The following PHTF2 variants were observed in gnomAD, a reference collection of about 807,000 sequenced individuals.
The protein encoded by PHTF2 is protein PHTF2.
A neutral mutation model predicts 101.2 loss-of-function variants in PHTF2; 60 were observed. That is an observed-to-expected ratio of 0.59 (90% CI 0.48 to 0.73). PHTF2 has a LOEUF of 0.73. PHTF2 is among the 30% of genes least tolerant of loss of function. The pLI is 0.00. For missense variants in PHTF2, 747 were observed against 908.7 expected, an observed-to-expected ratio of 0.82 and a Z score of 2.29; for synonymous variants, 311 against 307.3, an observed-to-expected ratio of 1.01 and a Z score of -0.13.
At chr7:77,923,653 C>T in intron 11 of PHTF2, 9 of 985,150 alleles carry the variant, frequency 9.1e-6, no homozygotes, top group Non-Finnish European at 1.1e-5. Flanking sequence ...GCCTCTTCAC[C>T]CATGTCATTT....
intron 3 of PHTF2, among the ~76,000 whole-genome samples, chr7:77,876,379 T>C (rs1798945619): frequency 6.6e-6 from 1 of 152,366 alleles, no homozygotes; most frequent in South Asian, 2.1e-4. Flanking sequence ...CAGTGTTATT[T>C]AACTGAGTAA....
chr7:77,955,407 T>A (rs1806931681), exon 20 of PHTF2: 1 of 152,638 alleles, frequency 6.6e-6, no homozygotes, highest in South Asian at 2.1e-4. Flanking sequence ...CCCTTCAGTA[T>A]TAATATATAC....
chr7:77,943,827 G>A (rs1479367100), intron 16 of PHTF2, among the ~76,000 whole-genome samples: 3 of 151,874 alleles, frequency 2.0e-5, no homozygotes, highest in Non-Finnish European at 2.9e-5. Context: ...AGACCAGCCC[G>A]ACCAACATGG....
chr7:77,899,762 A>G (rs1801213399), intron 5 of PHTF2, among the ~76,000 whole-genome samples: 1 of 152,204 alleles, frequency 6.6e-6, no homozygotes, highest in Non-Finnish European at 1.5e-5. Flanking sequence ...TTAGGACCAA[A>G]GACAGGATTT....
At chr7:77,810,684 C>T (rs1157745149) in intron 1 of PHTF2, among the ~76,000 whole-genome samples, 10 of 151,946 alleles carry the variant, frequency 6.6e-5, no homozygotes, top group East Asian at 3.9e-4. Flanking sequence ...ACTACAGGCA[C>T]GTACCACTGC....
intron 12 of PHTF2, among the ~76,000 whole-genome samples, chr7:77,930,369 C>G (rs905898194): frequency 1.3e-5 from 2 of 151,896 alleles, no homozygotes; most frequent in African/African-American, 4.8e-5. Flanking sequence ...CAAATTTAAC[C>G]AGTCCTCCCT....
chr7:77,919,389 A>T (rs900214103), intron 9 of PHTF2, among the ~76,000 whole-genome samples: 47 of 152,342 alleles, frequency 3.1e-4, no homozygotes, highest in African/African-American at 1.1e-3. Flanking sequence ...TACCTCTAAC[A>T]AAAATTCAAG....
chr7:77,905,498 C>A (rs1801772173), intron 7 of PHTF2, among the ~76,000 whole-genome samples: 1 of 150,868 alleles, frequency 6.6e-6, no homozygotes, highest in South Asian at 2.1e-4. Context: ...TCTTAAAGTG[C>A]TGGGATTACA....
At chr7:77,852,655 TTGTC>T (rs372626591) in intron 2 of PHTF2, among the ~76,000 whole-genome samples, 1 of 152,220 alleles carries the variant, frequency 6.6e-6, no homozygotes, top group East Asian at 1.9e-4. Flanking sequence ...TATTCTGTGT[TTGTC>T]TGTGTACTTA....
At chr7:77,875,756 A>ACC in intron 3 of PHTF2, among the ~76,000 whole-genome samples, 1 of 152,104 alleles carries the variant, frequency 6.6e-6, no homozygotes, top group East Asian at 1.9e-4. Flanking sequence ...ACGGGGTTTC[A>ACC]GTGCGTTAGC....
intron 3 of PHTF2, among the ~76,000 whole-genome samples, chr7:77,891,503 A>G (rs12536543): frequency 2.8e-5 from 4 of 143,688 alleles, no homozygotes; most frequent in Non-Finnish European, 4.5e-5. Context: ...TTAGTTACAT[A>G]TAAGTATGTT....
chr7:77,897,177 C>T (rs1243682650), intron 5 of PHTF2, among the ~76,000 whole-genome samples: 1 of 151,410 alleles, frequency 6.6e-6, no homozygotes, highest in African/African-American at 2.4e-5. Context: ...GGGAACTAAA[C>T]AAGATTTCTA....
At chr7:77,914,871 T>C (rs775471074) in intron 9 of PHTF2, among the ~76,000 whole-genome samples, 3 of 152,222 alleles carry the variant, frequency 2.0e-5, no homozygotes, top group Non-Finnish European at 4.4e-5. Context: ...AGCTGTCTTC[T>C]AAATATAAGC....
At chr7:77,901,704 A>G in intron 6 of PHTF2, 58 bp from the exon 6 acceptor site, 3 of 983,282 alleles carry the variant, frequency 3.1e-6, no homozygotes, top group African/African-American at 1.7e-5. Flanking sequence ...TTTTTTCTTT[A>G]AAGAAATTAA....
chr7:77,955,456 A>G (rs973191091), exon 20 of PHTF2: 1 of 152,618 alleles, frequency 6.6e-6, no homozygotes, highest in African/African-American at 2.4e-5. Context: ...CTTTGATGAT[A>G]AAACTTGTAA....
chr7:77,870,326 T>C (rs1447018100), intron 3 of PHTF2, among the ~76,000 whole-genome samples: 1 of 152,032 alleles, frequency 6.6e-6, no homozygotes, highest in African/African-American at 2.4e-5. Context: ...TATATGAGTT[T>C]ATTAAGTATT....
At position 77,868,947 on chromosome 7, in the gene PHTF2, C is replaced by T. The variant is rs150216023; in HGVS notation, c.147+14113C>T. Among the ~76,000 whole-genome samples the T allele has an allele frequency of 2.6e-5, 4 of 152,128 alleles. No individual in the cohort carries two copies. In the East Asian group the frequency reaches 5.8e-4, roughly 22 times the overall value. On this transcript the variant is annotated intron_variant, in intron 3 of 19. Transcript: ENST00000416283. ...TTGGCTTGAACAACTTGAATTTGTA[C>T]CACACATAAATATAGATCCTATTCG...
intron 1 of PHTF2, among the ~76,000 whole-genome samples, chr7:77,825,730 G>A (rs1423209299): frequency 6.6e-6 from 1 of 152,200 alleles, no homozygotes; most frequent in Non-Finnish European, 1.5e-5. Flanking sequence ...CAACTAAGAT[G>A]AGAAAGGTGT....
At chr7:77,909,622 C>T (rs1802190123) in intron 8 of PHTF2, 1 of 152,592 alleles carries the variant, frequency 6.6e-6, no homozygotes, top group Non-Finnish European at 1.5e-5. Context: ...CCCACCTCGG[C>T]CTCCCAAAGT....
Sources: allele counts gnomAD v4.1 joint callset (sites outside exome capture counted in the v4.1 genomes callset), GRCh38; gene constraint gnomAD v4.1.1; transcripts MANE v1.5; gene names NCBI Gene and HGNC (gene_info 2026-07-23, HGNC 2026-07-21).